STIL: variants seen among roughly 807,000 people sequenced by gnomAD.
STIL encodes STIL centriolar assembly protein, also known as SCL-interrupting locus protein.
Under a neutral mutation model 110.1 loss-of-function variants are expected in STIL, and 55 were observed. The ratio of observed to expected loss-of-function variants is 0.50; its 90% confidence interval spans 0.40 to 0.63. The LOEUF (loss-of-function observed/expected upper bound fraction) is 0.63, where lower values mean the gene tolerates loss of function less well. Ranked by LOEUF, STIL falls within the 20% of genes least tolerant of loss-of-function variation. The pLI is 0.00. For synonymous variants in STIL, 481 were observed against 530.0 expected (o/e 0.91, Z 1.27); for missense variants, 1,358 against 1,530.0 (o/e 0.89, Z 1.87).
chr1:47,302,635 C>T (rs765119920), intron 3 of STIL, among the ~76,000 whole-genome samples: 1 of 152,146 alleles, frequency 6.6e-6, no homozygotes, highest in Non-Finnish European at 1.5e-5. Context: ...GAAACAGTCA[C>T]ATCTGTTTCT....
intron 1 of STIL, among the ~76,000 whole-genome samples, chr1:47,310,688 G>C (rs1335844286): frequency 6.6e-6 from 1 of 151,972 alleles, no homozygotes; most frequent in Admixed American, 6.6e-5. Flanking sequence ...ATGAGATTTT[G>C]ACCAAAAACC....
At chr1:47,260,211 C>A in intron 16 of STIL, 78 bp downstream of exon 16, 1 of 1,378,720 alleles carries the variant, frequency 7.3e-7, no homozygotes, top group Non-Finnish European at 9.8e-7. Flanking sequence ...TTCATCTAGC[C>A]AATGATGGGC....
Position 47,282,335 on chromosome 1 carries a change from T to C in STIL, c.1248+10A>G. ...CCACAAAAGTGAATGCATTTTAAAA[T>C]CAGTGATACCTTCTGACTCACTGGA... On this transcript the variant is annotated intron_variant, in intron 11 of 16. Coordinates refer to ENST00000371877, the MANE Select transcript of STIL (RefSeq NM_001048166.1). 6.4e-7 allele frequency: 1 copy of C among 1,568,072 alleles called. No individual in the cohort carries two copies. Among genetic ancestry groups the C allele is most frequent in the Non-Finnish European group, 8.8e-7 (1 of 1,140,416 alleles).
At chr1:47,303,992 G>C (rs1018481095) in intron 3 of STIL, among the ~76,000 whole-genome samples, 1 of 152,042 alleles carries the variant, frequency 6.6e-6, no homozygotes, top group Admixed American at 6.6e-5. Flanking sequence ...GCTTTACAGA[G>C]TCTTATTTAA....
rs764427199 is a variant in STIL, at chr1:47,301,578, A to G, written c.436T>C (p.Phe146Leu). The G allele has an allele frequency of 1.2e-6, 2 of 1,613,556 alleles. No individual in the cohort carries two copies. The highest frequency in any genetic ancestry group is 1.1e-5 in the South Asian group (1 of 91,064). Reference sequence around the variant, plus strand: ...AATCGCACCTTTAAAGCTGAACTGAAGTCATCTACACTGTGAACTATCATT... The same window carrying G: ...AATCGCACCTTTAAAGCTGAACTGAGGTCATCTACACTGTGAACTATCATT... ...REMIVHSVDDFSSALKALQCH... is the reference protein window; with the variant it reads ...REMIVHSVDDLSSALKALQCH... Residue 146 changes from phenylalanine to leucine, a missense_variant, in exon 5 of 17, where the codon TTC becomes CTC. Phe to Leu is a conservative substitution (Grantham distance 22). Transcript: ENST00000371877.
chr1:47,287,705 A>C (rs750152364), intron 9 of STIL, 45 bp from the exon 10 acceptor site: 245 of 1,414,870 alleles, frequency 1.7e-4, no homozygotes, highest in Non-Finnish European at 2.3e-4. Context: ...TTAAATAAGA[A>C]CACCAGAGAA....
intron 16 of STIL, among the ~76,000 whole-genome samples, chr1:47,259,511 G>C (rs1038292259): frequency 6.6e-6 from 1 of 151,150 alleles, no homozygotes; most frequent in Non-Finnish European, 1.5e-5. Flanking sequence ...GGCTGGTCTC[G>C]AACTCCTGAC....
At position 47,272,198 on chromosome 1, in the gene STIL, G is replaced by A. The variant is rs1380610290; in HGVS notation, c.2261C>T (p.Pro754Leu). The change falls in exon 13 of 17, where the codon CCT (proline) becomes CTT (leucine). Residue 754 changes from proline to leucine, a missense_variant. Transcript: ENST00000371877. ...TGTGTCTTCAACAGCAGTTGTCTTA[G>A]GGGAACAGGGCATCAGAGACTGTGC... ...LEAQSLMPCS[P>L]KTTAVEDTVQ... 1.9e-6 allele frequency: 3 copies of A among 1,614,102 alleles called. No individual in the cohort carries two copies. In the South Asian group the frequency reaches 3.3e-5, roughly 18 times the overall value.
chr1:47,274,153 C>T (rs1047395612), intron 12 of STIL, among the ~76,000 whole-genome samples: 6 of 152,142 alleles, frequency 3.9e-5, no homozygotes, highest in Non-Finnish European at 8.8e-5. Context: ...GATCATTTCT[C>T]CCATTTTATA....
intron 14 of STIL, 138 bp from the exon 15 acceptor site, chr1:47,263,254 C>T: frequency 1.3e-6 from 1 of 799,852 alleles, no homozygotes; most frequent in Non-Finnish European, 2.1e-6. Flanking sequence ...GCTACATAAA[C>T]ACCCCATCTT....
intron 8 of STIL, among the ~76,000 whole-genome samples, chr1:47,291,218 G>A (rs1293844429): frequency 6.6e-6 from 1 of 151,800 alleles, no homozygotes. Flanking sequence ...AAAATTAGCC[G>A]GGCATGGTGG....
At position 47,287,535 on chromosome 1, in the gene STIL, C is replaced by T. The variant is rs766870106; in HGVS notation, c.1133+16G>A. 3.9e-6 allele frequency: 6 copies of T among 1,547,464 alleles called. No individual in the cohort carries two copies. In the Admixed American group the frequency reaches 1.0e-4, roughly 27 times the overall value. ...TTTTAAAAAAACACACACATAATAA[C>T]AAAAAGATCTTTTACCTCTTAATTG... On this transcript the variant is annotated intron_variant, in intron 10 of 16. Transcript: ENST00000371877.
chr1:47,257,804 T>C (rs1175919835), intron 16 of STIL, among the ~76,000 whole-genome samples: 10 of 152,224 alleles, frequency 6.6e-5, no homozygotes, highest in African/African-American at 2.4e-4. Context: ...CACTGAACTG[T>C]AAACTCTATG....
rs551008150 is a variant in STIL at position 47,270,478 on chromosome 1, C to T, written c.2384-612G>A. Among the ~76,000 whole-genome samples, 50 of 151,510 alleles carry T rather than the reference C, an allele frequency of 3.3e-4. No individual in the cohort carries two copies. In the East Asian group the frequency reaches 6.6e-3, roughly 20 times the overall value. ...ACATATTAAGATTCTGAATATGATC[C>T]GTGGGATGGGGTGTGTATGTTGAAA... On this transcript the variant is annotated intron_variant, in intron 13 of 16. Transcript: ENST00000371877.
chr1:47,252,027 G>T, intron 16 of STIL, 105 bp from the exon 17 acceptor site: 1 of 1,194,216 alleles, frequency 8.4e-7, no homozygotes, highest in Non-Finnish European at 1.2e-6. Flanking sequence ...TCAGCTTTAA[G>T]TTCATGGTCC....
chr1:47,257,889 CAGTA>C (rs1013852413), intron 16 of STIL, among the ~76,000 whole-genome samples: 6 of 152,198 alleles, frequency 3.9e-5, no homozygotes, highest in Admixed American at 6.5e-5. Context: ...CATAGAAACT[CAGTA>C]AGTATTTGTT....
chr1:47,306,200 C>T (rs1028533542), intron 2 of STIL, among the ~76,000 whole-genome samples: 1 of 150,274 alleles, frequency 6.7e-6, no homozygotes, highest in African/African-American at 2.4e-5. Context: ...TTTTAAGTAA[C>T]AGAAAAATGA....
At chr1:47,271,148 A>G (rs1359980611) in intron 13 of STIL, among the ~76,000 whole-genome samples, 5 of 152,202 alleles carry the variant, frequency 3.3e-5, no homozygotes, top group Non-Finnish European at 7.3e-5. Flanking sequence ...GTATTGGAAA[A>G]GATATATTTA....
intron 2 of STIL, among the ~76,000 whole-genome samples, chr1:47,307,380 T>A (rs1645992495): frequency 6.6e-6 from 1 of 152,190 alleles, no homozygotes; most frequent in Non-Finnish European, 1.5e-5. Flanking sequence ...GGACGTGGAT[T>A]GTGAAGATTT....
Sources: allele counts gnomAD v4.1 joint callset (sites outside exome capture counted in the v4.1 genomes callset), GRCh38; gene constraint gnomAD v4.1.1; transcripts MANE v1.5; gene names NCBI Gene and HGNC (gene_info 2026-07-23, HGNC 2026-07-21).